The following PTPRK variants were observed in gnomAD, a reference collection of about 807,000 sequenced individuals.
PTPRK encodes the protein receptor-type tyrosine-protein phosphatase kappa.
Under a neutral mutation model 178.0 loss-of-function variants are expected in PTPRK, and 75 were observed. The ratio of observed to expected loss-of-function variants is 0.42; its 90% CI spans 0.35 to 0.51. The LOEUF (loss-of-function observed/expected upper bound fraction) is 0.51. Ranked by LOEUF, PTPRK falls within the 20% of genes least tolerant of loss-of-function variation. The probability of loss-of-function intolerance (pLI) is 0.02; values close to 1 mark genes in which losing one functional copy is unlikely to be tolerated. For missense variants in PTPRK, 1,441 were observed against 1,797.8 expected, an observed-to-expected ratio of 0.80 and a Z score of 3.59; for synonymous variants, 637 against 620.6, an observed-to-expected ratio of 1.03 and a Z score of -0.39.
chr6:128,464,714 G>A (rs944737049), intron 1 of PTPRK, among the ~76,000 whole-genome samples: 2 of 127,430 alleles, frequency 1.6e-5, no homozygotes, highest in Admixed American at 8.8e-5. Flanking sequence ...ACATTCCCCC[G>A]TGAGTACCTG....
intron 1 of PTPRK, among the ~76,000 whole-genome samples, chr6:128,457,475 C>T (rs976000731): frequency 2.0e-5 from 3 of 152,114 alleles, no homozygotes; most frequent in Non-Finnish European, 4.4e-5. Flanking sequence ...CTTTCTCTGT[C>T]TTACTAAAAA....
chr6:128,186,262 A>T (rs1166568639), intron 6 of PTPRK, among the ~76,000 whole-genome samples: 1 of 152,108 alleles, frequency 6.6e-6, no homozygotes, highest in Non-Finnish European at 1.5e-5. Context: ...TAATGAATGT[A>T]ATATCAATAT....
At chr6:128,030,100 C>A (rs952974030) in intron 13 of PTPRK, among the ~76,000 whole-genome samples, 3 of 152,116 alleles carry the variant, frequency 2.0e-5, no homozygotes, top group African/African-American at 7.2e-5. Context: ...TTTTTGTATT[C>A]CCCATGTCAG....
intron 28 of PTPRK, among the ~76,000 whole-genome samples, chr6:127,973,443 T>C (rs1774171071): frequency 6.6e-6 from 1 of 152,190 alleles, no homozygotes; most frequent in African/African-American, 2.4e-5. Flanking sequence ...TTACGAGTAG[T>C]GTTCCAAAGA....
intron 2 of PTPRK, among the ~76,000 whole-genome samples, chr6:128,373,293 C>T (rs1213733579): frequency 2.0e-5 from 3 of 152,196 alleles, no homozygotes; most frequent in Non-Finnish European, 4.4e-5. Context: ...GGCACAGATG[C>T]ATATGCAATA....
At chr6:128,465,887 A>T (rs1849785382) in intron 1 of PTPRK, among the ~76,000 whole-genome samples, 1 of 152,170 alleles carries the variant, frequency 6.6e-6, no homozygotes, top group Non-Finnish European at 1.5e-5. Flanking sequence ...GAGGCAGACC[A>T]TATGTGAGCA....
chr6:128,340,926 C>A, intron 2 of PTPRK: 2 of 240,254 alleles, frequency 8.3e-6, no homozygotes, highest in South Asian at 4.5e-5. Flanking sequence ...ATAGTACATT[C>A]CAAAATAACA....
intron 7 of PTPRK, among the ~76,000 whole-genome samples, chr6:128,145,311 A>C (rs1386843452): frequency 6.6e-6 from 1 of 152,044 alleles, no homozygotes; most frequent in African/African-American, 2.4e-5. Flanking sequence ...TGGTGAGAGA[A>C]AACTTGTGGA....
chr6:128,049,237 A>C (rs996698693), intron 13 of PTPRK, among the ~76,000 whole-genome samples: 1 of 152,282 alleles, frequency 6.6e-6, no homozygotes, highest in African/African-American at 2.4e-5. Context: ...ACTAAATGCT[A>C]AGTAACAAGG....
intron 19 of PTPRK, among the ~76,000 whole-genome samples, chr6:127,991,736 C>G (rs1001940720): frequency 1.1e-4 from 16 of 151,562 alleles, no homozygotes; most frequent in African/African-American, 3.6e-4. Context: ...ATCAACCAGA[C>G]AGCATATATT....
chr6:128,251,301 T>C (rs1485745627), intron 3 of PTPRK, among the ~76,000 whole-genome samples: 1 of 152,180 alleles, frequency 6.6e-6, no homozygotes, highest in African/African-American at 2.4e-5. Flanking sequence ...CTTGAGAAAG[T>C]AATGAGGGGG....
At chr6:127,991,947 T>C (rs1283038936) in intron 19 of PTPRK, among the ~76,000 whole-genome samples, 2 of 151,684 alleles carry the variant, frequency 1.3e-5, no homozygotes, top group East Asian at 3.9e-4. Flanking sequence ...CTTTAAAGAG[T>C]ACACAACTGA....
At chr6:128,394,323 T>C (rs1840002643) in intron 2 of PTPRK, among the ~76,000 whole-genome samples, 1 of 152,222 alleles carries the variant, frequency 6.6e-6, no homozygotes, top group South Asian at 2.1e-4. Flanking sequence ...ATGCTGATGC[T>C]ATCAACATTC....
chr6:128,407,300 A>G (rs1019896706), intron 1 of PTPRK, among the ~76,000 whole-genome samples: 4 of 152,148 alleles, frequency 2.6e-5, no homozygotes, highest in African/African-American at 7.2e-5. Flanking sequence ...AACAGTACAT[A>G]TGAGAAGATC....
intron 7 of PTPRK, among the ~76,000 whole-genome samples, chr6:128,107,734 CA>C (rs1353590122): frequency 5.9e-5 from 9 of 152,028 alleles, no homozygotes. Flanking sequence ...ATACTTGTAA[CA>C]ATTTGAGAGA....
At chr6:128,099,108 G>A (rs1280600010) in intron 7 of PTPRK, among the ~76,000 whole-genome samples, 1 of 150,736 alleles carries the variant, frequency 6.6e-6, no homozygotes, top group Non-Finnish European at 1.5e-5. Flanking sequence ...TGATTTTGTA[G>A]GTATATATAA....
At chr6:128,307,592 C>T (rs991184531) in intron 3 of PTPRK, among the ~76,000 whole-genome samples, 2 of 151,722 alleles carry the variant, frequency 1.3e-5, no homozygotes, top group African/African-American at 4.8e-5. Flanking sequence ...ACTATCTAGA[C>T]CAGAAAAGAA....
At chr6:128,013,978 C>T (rs977362562) in intron 13 of PTPRK, among the ~76,000 whole-genome samples, 2 of 151,526 alleles carry the variant, frequency 1.3e-5, no homozygotes, top group Middle Eastern at 3.4e-3. Context: ...AGGTAAAGCC[C>T]ATGAAAGCAA....
intron 27 of PTPRK, among the ~76,000 whole-genome samples, chr6:127,975,387 C>CT (rs1554256939): frequency 6.6e-6 from 1 of 152,150 alleles, no homozygotes. Context: ...TGAAGTTATC[C>CT]TTTTTTTCTC....
Sources: gnomAD v4.1 joint callset for allele counts (sites outside exome capture counted in the v4.1 genomes callset) on GRCh38, gnomAD v4.1.1 for gene constraint, MANE v1.5 for transcripts, NCBI Gene and HGNC (gene_info 2026-07-23, HGNC 2026-07-21) for gene names.